SLC24A2: variants seen among roughly 807,000 people sequenced by gnomAD.
SLC24A2 encodes the protein sodium/potassium/calcium exchanger 2.
A neutral mutation model predicts 62.0 loss-of-function variants in SLC24A2; 36 were observed. The ratio of observed to expected loss-of-function variants is 0.58; its 90% confidence interval spans 0.44 to 0.77. The LOEUF is 0.77. Ranked by LOEUF, SLC24A2 falls within the 30% of genes least tolerant of loss-of-function variation. SLC24A2 has a pLI of 0.00. For synonymous variants in SLC24A2, 358 were observed against 294.0 expected, an observed-to-expected ratio of 1.22 and a Z score of -2.23; for missense variants, 846 against 817.9, an observed-to-expected ratio of 1.03 and a Z score of -0.42.
intron 10 of SLC24A2, among the ~76,000 whole-genome samples, chr9:19,518,049 G>T (rs1189552606): frequency 6.6e-6 from 1 of 151,690 alleles, no homozygotes; most frequent in Non-Finnish European, 1.5e-5. Context: ...ATGCCTTTTG[G>T]TCTATTAATT....
chr9:20,069,293 C>T, the SLC24A2 span, among the ~76,000 whole-genome samples: 39,228 of 152,034 alleles, frequency 0.26, 5,438 homozygotes, highest in Middle Eastern at 0.36. Flanking sequence ...TGTAAATTTT[C>T]GCCTCCTATA....
At chr9:20,251,702 A>G in the SLC24A2 span, among the ~76,000 whole-genome samples, 1 of 152,224 alleles carries the variant, frequency 6.6e-6, no homozygotes, top group Non-Finnish European at 1.5e-5. Context: ...ATTCAAACAA[A>G]AAAATATTTC....
chr9:19,704,175 T>A (rs1028024699), intron 2 of SLC24A2, among the ~76,000 whole-genome samples: 1 of 152,206 alleles, frequency 6.6e-6, no homozygotes, highest in Non-Finnish European at 1.5e-5. Flanking sequence ...ATGTAGTAGG[T>A]CTGGGGGAGC....
rs59489637 is a variant in SLC24A2 at position 19,573,485 on chromosome 9, A to AACACACACACACACACAC, written c.1229-34_1229-17dup. The AACACACACACACACACAC allele has an allele frequency of 4.3e-5, 35 of 819,542 alleles. No homozygotes were observed. The highest frequency in any genetic ancestry group is 1.5e-4 in the African/African-American group (8 of 53,624). The allele number at this position is 819,542 out of a possible 1,614,324, so 50.8% of individuals were successfully genotyped here. A position where few individuals can be genotyped will look rare whatever the true frequency, so the allele number is the denominator to read the frequency against. ...TCAATTTTTTCTGTGATATAATTTA[A>AACACACACACACACACAC]ACACACACACACACACACACACACA... On this transcript the variant is annotated splice_polypyrimidine_tract_variant and intron_variant, in intron 6 of 10. Coordinates refer to ENST00000341998, the MANE Select transcript of SLC24A2 (RefSeq NM_020344.4).
At chr9:19,666,311 T>A (rs182563408) in intron 2 of SLC24A2, among the ~76,000 whole-genome samples, 3 of 152,168 alleles carry the variant, frequency 2.0e-5, no homozygotes, top group Admixed American at 2.0e-4. Flanking sequence ...GAGGCTGAGG[T>A]GGAAGGATCA....
chr9:19,636,315 T>TTTTCTTTTCTTTTCTTTTCTTTTCC lies in SLC24A2; in HGVS notation c.931-14017_931-14016insGGAAAAGAAAAGAAAAGAAAAGAAA. On this transcript the variant is annotated intron_variant, in intron 2 of 10. Coordinates refer to ENST00000341998, the MANE Select transcript of SLC24A2 (RefSeq NM_020344.4). The stretch of plus-strand genomic sequence containing the variant: ...TTTTCTTTTCTTTTCTTTTCTTTTC[T>TTTTCTTTTCTTTTCTTTTCTTTTCC]TTTCTTTCTTTCTTTCTTTCTTTCT... Among the ~76,000 whole-genome samples the TTTTCTTTTCTTTTCTTTTCTTTTCC allele has an allele frequency of 6.7e-3, 270 of 40,306 alleles. 14 individuals carry two copies. The highest frequency in any genetic ancestry group is 0.014 in the Middle Eastern group (1 of 70). The allele number at this position is 40,306 out of a possible 152,430, so 26.4% of individuals were successfully genotyped here.
intron 2 of SLC24A2, among the ~76,000 whole-genome samples, chr9:19,784,947 T>G (rs546368342): frequency 3.3e-5 from 5 of 152,122 alleles, no homozygotes; most frequent in African/African-American, 1.2e-4. Context: ...TTGAACAAAA[T>G]CTTTCACCCC....
intron 8 of SLC24A2, among the ~76,000 whole-genome samples, chr9:19,534,088 AT>A (rs1833837652): frequency 6.6e-6 from 1 of 152,186 alleles, no homozygotes; most frequent in Non-Finnish European, 1.5e-5. Context: ...CCTTCTGACC[AT>A]TTATTCACAG....
At chr9:19,557,566 A>G (rs952287969) in intron 7 of SLC24A2, among the ~76,000 whole-genome samples, 3 of 152,170 alleles carry the variant, frequency 2.0e-5, no homozygotes, top group African/African-American at 7.2e-5. Context: ...AGCCTTTGTC[A>G]TTAAATCTGT....
At chr9:20,089,674 C>A in the SLC24A2 span, among the ~76,000 whole-genome samples, 1 of 151,934 alleles carries the variant, frequency 6.6e-6, no homozygotes, top group Non-Finnish European at 1.5e-5. Flanking sequence ...CCAGAGGCAT[C>A]TGACAGCCCC....
intron 7 of SLC24A2, among the ~76,000 whole-genome samples, chr9:19,557,437 C>T (rs951737540): frequency 2.0e-5 from 3 of 152,050 alleles, no homozygotes; most frequent in African/African-American, 4.8e-5. Context: ...GGGCAGAGGG[C>T]GAGAAGTAGG....
chr9:20,294,260 A>G, the SLC24A2 span, among the ~76,000 whole-genome samples: 7 of 152,092 alleles, frequency 4.6e-5, no homozygotes, highest in African/African-American at 1.7e-4. Context: ...CAGAGAAGCC[A>G]TGAGAATGAG....
At chr9:20,114,224 G>C in the SLC24A2 span, among the ~76,000 whole-genome samples, 2 of 152,060 alleles carry the variant, frequency 1.3e-5, no homozygotes, top group African/African-American at 4.8e-5. Flanking sequence ...ACTATCTGAG[G>C]TCAAGGAAAG....
At chr9:19,911,178 T>C in the SLC24A2 span, among the ~76,000 whole-genome samples, 1 of 151,264 alleles carries the variant, frequency 6.6e-6, no homozygotes, top group Non-Finnish European at 1.5e-5. Flanking sequence ...TTTAGTTTTT[T>C]GTCCTTGCGA....
intron 4 of SLC24A2, among the ~76,000 whole-genome samples, chr9:19,600,604 T>C (rs1445223492): frequency 1.3e-5 from 2 of 152,212 alleles, no homozygotes; most frequent in Admixed American, 1.3e-4. Flanking sequence ...AGATGGTTCA[T>C]AATGAAATGC....
the SLC24A2 span, among the ~76,000 whole-genome samples, chr9:19,884,568 T>G: frequency 6.6e-6 from 1 of 152,224 alleles, no homozygotes; most frequent in African/African-American, 2.4e-5. Context: ...CTTATGTATA[T>G]ATGTATATAT....
chr9:19,770,892 A>G (rs1822666508), intron 2 of SLC24A2, among the ~76,000 whole-genome samples: 1 of 152,152 alleles, frequency 6.6e-6, no homozygotes, highest in African/African-American at 2.4e-5. Context: ...CTGTAACCCA[A>G]CTCTTAGACT....
chr9:19,750,534 T>C (rs987036568), intron 2 of SLC24A2, among the ~76,000 whole-genome samples: 4 of 152,154 alleles, frequency 2.6e-5, no homozygotes, highest in African/African-American at 4.8e-5. Context: ...CAAGTCATCA[T>C]TGTCTCTGAT....
the SLC24A2 span, among the ~76,000 whole-genome samples, chr9:20,050,558 A>T: frequency 6.6e-6 from 1 of 152,332 alleles, no homozygotes; most frequent in East Asian, 1.9e-4. Flanking sequence ...ATATGTGAGA[A>T]TCAGTGTTTA....
Sources: allele counts gnomAD v4.1 joint callset (sites outside exome capture counted in the v4.1 genomes callset), GRCh38; gene constraint gnomAD v4.1.1; transcripts MANE v1.5; gene names NCBI Gene and HGNC (gene_info 2026-07-23, HGNC 2026-07-21).